Variants in DLG2 observed in about 807,000 individuals in gnomAD.
DLG2 encodes the protein disks large homolog 2.
In DLG2, 45 loss-of-function variants were observed where a neutral mutation model predicts 132.5. The observed-to-expected ratio is 0.34, with a 90% CI of 0.27 to 0.44. The LOEUF is 0.44. Ranked by LOEUF, DLG2 falls within the 20% of genes least tolerant of loss-of-function variation. The pLI, the probability that DLG2 is intolerant of heterozygous loss-of-function variation, is 1.00. For synonymous variants in DLG2, 424 were observed against 419.6 expected, an observed-to-expected ratio of 1.01 and a Z score of -0.13; for missense variants, 1,045 against 1,196.9, an observed-to-expected ratio of 0.87 and a Z score of 1.87.
chr11:84,579,717 G>C (rs565267146), intron 6 of DLG2, among the ~76,000 whole-genome samples: 1 of 152,166 alleles, frequency 6.6e-6, no homozygotes, highest in African/African-American at 2.4e-5. Flanking sequence ...TAAAGTATTG[G>C]ACAGCCATAA....
At chr11:84,468,328 G>T (rs920851940) in intron 7 of DLG2, among the ~76,000 whole-genome samples, 1 of 151,482 alleles carries the variant, frequency 6.6e-6, no homozygotes, top group East Asian at 2.0e-4. Context: ...GATCTTGTTG[G>T]CTAGTTCTGA....
intron 6 of DLG2, among the ~76,000 whole-genome samples, chr11:84,783,336 T>C (rs949044325): frequency 6.6e-6 from 1 of 151,668 alleles, no homozygotes; most frequent in African/African-American, 2.4e-5. Context: ...CTAAGATCCC[T>C]TTCAGTTCTG....
Position 83,930,289 on chromosome 11 carries a change from G to A in DLG2, c.1496+39C>T, listed in dbSNP as rs773652706. ...CCCATTTATCCTTGTGGAAGCACATGCAGTTCGAGAAGATGAAGTGAGGAA... is the reference window on the plus strand; with the variant it reads ...CCCATTTATCCTTGTGGAAGCACATACAGTTCGAGAAGATGAAGTGAGGAA... On this transcript the variant is annotated intron_variant, in intron 15 of 27. Transcript: ENST00000376104. The A allele has an allele frequency of 7.0e-5, 113 of 1,607,554 alleles. No individual in the cohort carries two copies. The East Asian group carries it at 2.5e-3, about 36-fold the overall frequency.
At chr11:85,160,504 G>A (rs765911873) in intron 4 of DLG2, among the ~76,000 whole-genome samples, 25 of 152,140 alleles carry the variant, frequency 1.6e-4, no homozygotes, top group Admixed American at 4.6e-4. Context: ...GAAACTGAAC[G>A]TTTGACTATA....
intron 3 of DLG2, among the ~76,000 whole-genome samples, chr11:85,590,125 A>C (rs2079218743): frequency 6.6e-6 from 1 of 152,152 alleles, no homozygotes; most frequent in Non-Finnish European, 1.5e-5. Context: ...CAAGGTGTAC[A>C]TCTCTCTCAT....
intron 6 of DLG2, among the ~76,000 whole-genome samples, chr11:85,028,730 G>C (rs987977529): frequency 1.3e-5 from 2 of 152,156 alleles, no homozygotes; most frequent in African/African-American, 4.8e-5. Flanking sequence ...CTGAGCCTGT[G>C]GGGGCCAGGG....
At chr11:85,082,110 T>C (rs578094516) in intron 6 of DLG2, among the ~76,000 whole-genome samples, 36 of 152,296 alleles carry the variant, frequency 2.4e-4, no homozygotes, top group Admixed American at 5.9e-4. Context: ...CTCCCAGATA[T>C]ACATGCCAAA....
chr11:84,729,556 T>C lies in DLG2; in HGVS notation c.358-194825A>G, dbSNP rs567705543. On this transcript the variant is annotated intron_variant, in intron 6 of 27. Coordinates refer to ENST00000376104, the MANE Select transcript of DLG2 (RefSeq NM_001142699.3). The stretch of plus-strand genomic sequence containing the variant: ...GTGCTGAGTAGAATGCATATTCTGT[T>C]GAATTGGAGTGGAGAGTTCTGTTCA... Among the ~76,000 whole-genome samples, 6 of 152,222 alleles carry C rather than the reference T, an allele frequency of 3.9e-5. No homozygotes were observed. In the South Asian group the frequency reaches 1.2e-3, roughly 32 times the overall value.
intron 6 of DLG2, among the ~76,000 whole-genome samples, chr11:84,583,946 T>C (rs758807901): frequency 1.4e-4 from 22 of 152,206 alleles, no homozygotes; most frequent in Non-Finnish European, 3.2e-4. Context: ...ATTATATTTT[T>C]ATTCTCCTGT....
chr11:85,191,497 G>C (rs1320721732), intron 4 of DLG2, among the ~76,000 whole-genome samples: 2 of 152,098 alleles, frequency 1.3e-5, no homozygotes, highest in Non-Finnish European at 2.9e-5. Flanking sequence ...GTCCTGGCTA[G>C]CTTGAAAAAA....
chr11:84,729,241 A>T (rs903462065), intron 6 of DLG2, among the ~76,000 whole-genome samples: 1 of 151,986 alleles, frequency 6.6e-6, no homozygotes, highest in Non-Finnish European at 1.5e-5. Flanking sequence ...GTTTCCCTCT[A>T]CACACTGCTT....
intron 7 of DLG2, among the ~76,000 whole-genome samples, chr11:84,282,321 CAGAA>C (rs1428305790): frequency 6.6e-6 from 1 of 151,826 alleles, no homozygotes; most frequent in Admixed American, 6.6e-5. Context: ...TGTATAAAGA[CAGAA>C]AGGAGAGTAA....
intron 3 of DLG2, among the ~76,000 whole-genome samples, chr11:85,366,609 A>C (rs1364471334): frequency 6.6e-6 from 1 of 152,146 alleles, no homozygotes; most frequent in African/African-American, 2.4e-5. Flanking sequence ...AGCTATTCTA[A>C]ATAATACTGA....
chr11:84,297,127 T>C (rs1209871572), intron 7 of DLG2, among the ~76,000 whole-genome samples: 2 of 22,040 alleles, frequency 9.1e-5, no homozygotes, highest in South Asian at 1.2e-3. Flanking sequence ...CCTCAAAGAA[T>C]TTGAAAAAAA....
At chr11:84,160,365 T>A (rs997406064) in intron 9 of DLG2, among the ~76,000 whole-genome samples, 3 of 152,144 alleles carry the variant, frequency 2.0e-5, no homozygotes, top group African/African-American at 7.2e-5. Flanking sequence ...GGAGGAAGCA[T>A]CAAATCCTGC....
intron 15 of DLG2, among the ~76,000 whole-genome samples, chr11:83,885,605 A>G (rs1394452395): frequency 1.3e-5 from 2 of 152,158 alleles, no homozygotes; most frequent in Non-Finnish European, 2.9e-5. Context: ...GAACGCCACA[A>G]AGATACTCCT....
chr11:85,361,506 G>A (rs1453916608), intron 3 of DLG2, among the ~76,000 whole-genome samples: 3 of 152,052 alleles, frequency 2.0e-5, no homozygotes, highest in South Asian at 2.1e-4. Flanking sequence ...CACTCTGCAT[G>A]TCCATGTGTA....
intron 6 of DLG2, among the ~76,000 whole-genome samples, chr11:85,048,976 T>A (rs1006080071): frequency 6.6e-6 from 1 of 152,062 alleles, no homozygotes; most frequent in African/African-American, 2.4e-5. Context: ...CTACTTTGAT[T>A]AGCATTAAAA....
chr11:84,295,441 C>A (rs547901160), intron 7 of DLG2, among the ~76,000 whole-genome samples: 1 of 152,236 alleles, frequency 6.6e-6, no homozygotes, highest in Admixed American at 6.5e-5. Context: ...TTTTTTCTTT[C>A]TTATGCATGG....
Sources: allele counts gnomAD v4.1 joint callset (sites outside exome capture counted in the v4.1 genomes callset), GRCh38; gene constraint gnomAD v4.1.1; transcripts MANE v1.5; gene names NCBI Gene and HGNC (gene_info 2026-07-23, HGNC 2026-07-21).